The following SHTN1 variants were observed in gnomAD, a reference collection of about 807,000 sequenced individuals.
SHTN1 encodes the protein shootin-1.
In SHTN1, 42 loss-of-function variants were observed where a neutral mutation model predicts 83.1. The observed-to-expected ratio is 0.51, with a 90% CI of 0.39 to 0.65. SHTN1 has a LOEUF of 0.65. Ranked by LOEUF, SHTN1 falls within the 30% of genes least tolerant of loss-of-function variation. The probability of loss-of-function intolerance (pLI) is 0.00; values close to 1 mark genes in which losing one functional copy is unlikely to be tolerated. For missense variants in SHTN1, 622 were observed against 737.8 expected (o/e 0.84, Z 1.82); for synonymous variants, 224 against 247.7 (o/e 0.90, Z 0.90).
chr10:117,114,578 T>C (rs1281099087), intron 1 of SHTN1, among the ~76,000 whole-genome samples: 2 of 152,174 alleles, frequency 1.3e-5, no homozygotes, highest in African/African-American at 2.4e-5. Context: ...GAGGCCTGAC[T>C]TGCCACAGCC....
intron 1 of SHTN1, among the ~76,000 whole-genome samples, chr10:117,078,925 C>T (rs1589922734): frequency 6.6e-6 from 1 of 152,160 alleles, no homozygotes; most frequent in Non-Finnish European, 1.5e-5. Flanking sequence ...ATTATCCTTA[C>T]AATGTCCATT....
At chr10:116,983,925 C>T (rs1419582150) in intron 1 of SHTN1, among the ~76,000 whole-genome samples, 1 of 152,144 alleles carries the variant, frequency 6.6e-6, no homozygotes, top group African/African-American at 2.4e-5. Context: ...TTTCTAACTC[C>T]TCAGTGCCAA....
At chr10:117,098,184 C>T (rs935071629) in intron 1 of SHTN1, among the ~76,000 whole-genome samples, 2 of 146,578 alleles carry the variant, frequency 1.4e-5, no homozygotes, top group Non-Finnish European at 3.0e-5. Flanking sequence ...GTCAAGAGAT[C>T]CAGACCATCC....
At chr10:116,998,900 A>ATATACCAACATATATATATATGTG (rs1322137173) in intron 1 of SHTN1, among the ~76,000 whole-genome samples, 1 of 152,230 alleles carries the variant, frequency 6.6e-6, no homozygotes, top group East Asian at 1.9e-4. Flanking sequence ...AAATATATGT[A>ATATACCAACATATATATATATGTG]TATACCAACA....
intron 10 of SHTN1, 48 bp from the exon 11 acceptor site, chr10:116,927,939 A>G (rs1457628890): frequency 6.3e-7 from 1 of 1,599,388 alleles, no homozygotes; most frequent in East Asian, 2.3e-5. Flanking sequence ...AAGCAACTAA[A>G]CATTGTTTAT....
chr10:116,904,108 T>C (rs553819936), intron 15 of SHTN1, among the ~76,000 whole-genome samples: 30 of 152,362 alleles, frequency 2.0e-4, no homozygotes, highest in Non-Finnish European at 3.8e-4. Context: ...TCTCTTCTGA[T>C]GTTTCCTTTC....
chr10:116,992,275 T>C (rs1180624231), intron 1 of SHTN1, among the ~76,000 whole-genome samples: 1 of 152,224 alleles, frequency 6.6e-6, no homozygotes, highest in Non-Finnish European at 1.5e-5. Flanking sequence ...AAGTTAAAGA[T>C]AATGCAATTA....
chr10:117,106,221 C>T (rs1041378704), intron 1 of SHTN1, among the ~76,000 whole-genome samples: 2 of 151,920 alleles, frequency 1.3e-5, no homozygotes, highest in Admixed American at 1.3e-4. Flanking sequence ...CTTTGGGAGG[C>T]TGAGGTGGGC....
chr10:116,911,509 T>C, intron 14 of SHTN1: 2 of 1,550,558 alleles, frequency 1.3e-6, no homozygotes, highest in Non-Finnish European at 1.7e-6. Context: ...CCACTTCATC[T>C]TCAAGCTGTG....
intron 16 of SHTN1, chr10:116,901,375 C>T: frequency 2.0e-6 from 2 of 985,218 alleles, no homozygotes; most frequent in African/African-American, 1.7e-5. Context: ...AAAACGTGCC[C>T]TTCTAAGTAG....
chr10:116,927,022 T>G (rs1429222507), intron 11 of SHTN1, among the ~76,000 whole-genome samples: 1 of 152,354 alleles, frequency 6.6e-6, no homozygotes, highest in Non-Finnish European at 1.5e-5. Flanking sequence ...TCTATCTTTC[T>G]TATGGACGGT....
At chr10:116,927,701 T>C in intron 11 of SHTN1, 91 bp downstream of exon 11, 1 of 1,401,214 alleles carries the variant, frequency 7.1e-7, no homozygotes, top group Non-Finnish European at 9.4e-7. Flanking sequence ...CATCAGCTAG[T>C]ATCTTTCATG....
At chr10:117,076,107 T>C (rs1853149109) in intron 1 of SHTN1, among the ~76,000 whole-genome samples, 1 of 145,824 alleles carries the variant, frequency 6.9e-6, no homozygotes, top group Non-Finnish European at 1.5e-5. Flanking sequence ...CACCTGAGCC[T>C]GGAAGGCAGA....
intron 1 of SHTN1, among the ~76,000 whole-genome samples, chr10:117,099,032 A>ACACACACACACACC (rs1853550176): frequency 6.6e-6 from 1 of 151,818 alleles, no homozygotes. Flanking sequence ...ACACACACAC[A>ACACACACACACACC]CACACACACA....
intron 1 of SHTN1, among the ~76,000 whole-genome samples, chr10:117,114,107 G>A (rs1853809338): frequency 6.6e-6 from 1 of 152,082 alleles, no homozygotes; most frequent in African/African-American, 2.4e-5. Flanking sequence ...TACTCAGGAG[G>A]CTAAAGTGGG....
chr10:117,006,878 TTC>T (rs1448307635), upstream of SHTN1, among the ~76,000 whole-genome samples: 3 of 151,982 alleles, frequency 2.0e-5, no homozygotes, highest in Non-Finnish European at 2.9e-5. Flanking sequence ...ACTAGTGTCT[TTC>T]TGATACTCAC....
chr10:117,093,227 T>C (rs1415144126), intron 1 of SHTN1, among the ~76,000 whole-genome samples: 1 of 152,038 alleles, frequency 6.6e-6, no homozygotes, highest in Non-Finnish European at 1.5e-5. Context: ...CAATTAGAAA[T>C]TGGAGGCAGC....
chr10:117,121,600 T>C (rs1853928650), intron 1 of SHTN1, among the ~76,000 whole-genome samples: 1 of 151,778 alleles, frequency 6.6e-6, no homozygotes, highest in Admixed American at 6.6e-5. Flanking sequence ...TTATAAATTT[T>C]ATACATGTTT....
At chr10:117,102,239 T>C (rs532917935) in intron 1 of SHTN1, among the ~76,000 whole-genome samples, 4 of 152,250 alleles carry the variant, frequency 2.6e-5, no homozygotes, top group Non-Finnish European at 2.9e-5. Context: ...TAATTTTTAA[T>C]AGAACAGTAA....
Sources: gnomAD v4.1 joint callset for allele counts (sites outside exome capture counted in the v4.1 genomes callset) on GRCh38, gnomAD v4.1.1 for gene constraint, MANE v1.5 for transcripts, NCBI Gene and HGNC (gene_info 2026-07-23, HGNC 2026-07-21) for gene names.